Variants in KIF11 observed in about 807,000 individuals in gnomAD.
KIF11 encodes the protein kinesin-like protein KIF11.
In KIF11, 9 loss-of-function variants were observed where a neutral mutation model predicts 121.0. The observed-to-expected ratio is 0.07, with a 90% CI of 0.04 to 0.13. The LOEUF (loss-of-function observed/expected upper bound fraction) is 0.13, where lower values mean the gene tolerates loss of function less well. KIF11 is among the 10% of genes least tolerant of loss of function. The pLI is 1.00. For synonymous variants in KIF11, 408 were observed against 421.0 expected, an observed-to-expected ratio of 0.97 and a Z score of 0.38; for missense variants, 846 against 1,217.5, an observed-to-expected ratio of 0.69 and a Z score of 4.54.
intron 17 of KIF11, 36 bp downstream of exon 17, chr10:92,639,936 A>G (rs1386374199): frequency 1.8e-6 from 2 of 1,099,642 alleles, no homozygotes; most frequent in Admixed American, 4.0e-5. Flanking sequence ...ACTTTTCTGT[A>G]AGTCTGAAAT....
At chr10:92,638,827 T>C (rs1811637488) in intron 16 of KIF11, among the ~76,000 whole-genome samples, 1 of 152,248 alleles carries the variant, frequency 6.6e-6, no homozygotes, top group African/African-American at 2.4e-5. Flanking sequence ...ATAATCAGAA[T>C]GTTAGATATG....
intron 8 of KIF11, among the ~76,000 whole-genome samples, chr10:92,616,207 G>GT (rs1261843297): frequency 1.3e-5 from 2 of 149,532 alleles, no homozygotes; most frequent in African/African-American, 2.5e-5. Flanking sequence ...GTTTTGTTTT[G>GT]TTTTTTTGTT....
At chr10:92,625,545 C>T (rs533400009) in intron 10 of KIF11, among the ~76,000 whole-genome samples, 68 of 152,044 alleles carry the variant, frequency 4.5e-4, no homozygotes, top group Admixed American at 2.4e-3. Flanking sequence ...GATGGGATTT[C>T]ACCATGTTGG....
chr10:92,643,258 C>G (rs558964542), intron 17 of KIF11, among the ~76,000 whole-genome samples: 34 of 152,188 alleles, frequency 2.2e-4, no homozygotes, highest in Non-Finnish European at 4.6e-4. Flanking sequence ...TTATCTCTTC[C>G]ATTGACTTAT....
intron 6 of KIF11, among the ~76,000 whole-genome samples, chr10:92,612,042 A>G (rs2050642153): frequency 6.6e-6 from 1 of 152,224 alleles, no homozygotes; most frequent in Admixed American, 6.5e-5. Flanking sequence ...TACAGAAAGA[A>G]TGTCTTTGGT....
chr10:92,616,755 G>C lies in KIF11; in HGVS notation c.1051G>C (p.Glu351Gln), dbSNP rs773961858. ...LNLEETLSTL[E>Q]YAHRAKNILN... ...ATGACAGGAAACTCTGAGTACATTG[G>C]AATATGCTCATAGAGCAAAGAACAT... The change falls in exon 9 of 22, where the codon GAA (glutamate) becomes CAA (glutamine). Residue 351 changes from glutamate to glutamine, a missense_variant. Around this residue, in one of 5 missense-constraint regions of KIF11, gnomAD observed 116 missense variants for 285.3 expected, o/e 0.41. Coordinates refer to ENST00000260731, the MANE Select transcript of KIF11 (RefSeq NM_004523.4). The C allele has an allele frequency of 6.3e-7, 1 of 1,596,164 alleles. No homozygotes were observed. Among genetic ancestry groups the C allele is most frequent in the South Asian group, 1.1e-5 (1 of 89,394 alleles).
intron 5 of KIF11, 81 bp from the exon 6 acceptor site, chr10:92,609,304 G>GTGAC: frequency 2.3e-6 from 1 of 430,396 alleles, no homozygotes; most frequent in Non-Finnish European, 2.9e-6. Flanking sequence ...GAGAGAGAGA[G>GTGAC]TGTGTGTGTG....
At chr10:92,634,320 T>G (rs1485799050) in intron 14 of KIF11, among the ~76,000 whole-genome samples, 1 of 149,718 alleles carries the variant, frequency 6.7e-6, no homozygotes, top group Non-Finnish European at 1.5e-5. Context: ...ATTTATTTTT[T>G]TCAGCCTCTC....
intron 1 of KIF11, among the ~76,000 whole-genome samples, chr10:92,593,779 A>G (rs1350436467): frequency 6.6e-6 from 1 of 152,202 alleles, no homozygotes; most frequent in African/African-American, 2.4e-5. Context: ...TATTTTGCAG[A>G]TGGTTAAGCA....
At position 92,621,406 on chromosome 10, in the gene KIF11, C is replaced by T. The variant is rs776943293; in HGVS notation, c.1150C>T (p.Arg384Cys). ...GTAGGAGTATACGGAGGAGATAGAACGTTTAAAACGAGATCTTGCTGCAGC... is the reference window on the plus strand; with the variant it reads ...GTAGGAGTATACGGAGGAGATAGAATGTTTAAAACGAGATCTTGCTGCAGC... ...LIKEYTEEIE[R>C]LKRDLAAARE... The change falls in exon 10 of 22, where the codon CGT becomes TGT. Residue 384 changes from arginine (R) to cysteine (C), a missense_variant. Arg to Cys is a radical substitution (Grantham distance 180, BLOSUM62 -3). Around this residue, in one of 5 missense-constraint regions of KIF11, gnomAD observed 116 missense variants for 285.3 expected, o/e 0.41. Coordinates refer to ENST00000260731, the MANE Select transcript of KIF11 (RefSeq NM_004523.4). 5.6e-6 allele frequency: 9 copies of T among 1,611,838 alleles called. No individual in the cohort carries two copies. The highest frequency in any genetic ancestry group is 4.4e-5 in the South Asian group (4 of 90,998).
chr10:92,655,315 G>T lies in KIF11; in HGVS notation c.*1519G>T, dbSNP rs1204780583. 3.3e-5 allele frequency: 5 copies of T among 152,164 alleles called. No individual in the cohort carries two copies. Among genetic ancestry groups the T allele is most frequent in the African/African-American group, 9.7e-5 (4 of 41,440 alleles). 9.4% of individuals were successfully genotyped at this position (152,164 alleles called of 1,614,324 possible). A position where few individuals can be genotyped will look rare whatever the true frequency, so the allele number is the denominator to read the frequency against. ...TGGCTATAATTTCTCTGCAAAATCA[G>T]ATGTCAGCATAAGCGATGGATAATA... On this transcript the variant is annotated 3_prime_UTR_variant, in exon 22 of 22. Transcript: ENST00000260731.
intron 1 of KIF11, among the ~76,000 whole-genome samples, chr10:92,597,630 T>C (rs191327907): frequency 1.7e-4 from 26 of 148,588 alleles, no homozygotes; most frequent in African/African-American, 3.4e-4. Flanking sequence ...TCTTTTTTTT[T>C]CCCTTGGGTT....
chr10:92,611,516 A>G (rs1246683891), intron 6 of KIF11, among the ~76,000 whole-genome samples: 1 of 152,060 alleles, frequency 6.6e-6, no homozygotes, highest in African/African-American at 2.4e-5. Flanking sequence ...GGAGATGAAT[A>G]TTATAATTCA....
Position 92,637,407 on chromosome 10 carries a change from A to G in KIF11, c.2022A>G (p.Glu674=), listed in dbSNP as rs1471331012. 1.6e-5 allele frequency: 26 copies of G among 1,580,126 alleles called. No homozygotes were observed. Among genetic ancestry groups the G allele is most frequent in the Middle Eastern group, 1.7e-4 (1 of 5,996 alleles). Residue 674 remains glutamate (E), a synonymous_variant, in exon 16 of 22, where the codon GAA becomes GAG. Transcript: ENST00000260731. ...CAAAGATAGAAGATCAAAAAAAGGA[A>G]CTAGATGGCTTTCTCAGTATACTGT... is the stretch of plus-strand genomic sequence containing the variant. ...VADKIEDQKK[E]LDGFLSILCN...
intron 16 of KIF11, among the ~76,000 whole-genome samples, chr10:92,638,785 G>A (rs994220479): frequency 1.8e-4 from 27 of 152,278 alleles, no homozygotes; most frequent in Middle Eastern, 3.4e-3. Flanking sequence ...TAATACCTTT[G>A]AGACTAGTAA....
intron 8 of KIF11, among the ~76,000 whole-genome samples, chr10:92,615,229 C>T (rs1051168823): frequency 6.6e-6 from 1 of 151,934 alleles, no homozygotes; most frequent in Non-Finnish European, 1.5e-5. Flanking sequence ...CATGGTGAAA[C>T]CCCATCTCTA....
chr10:92,597,356 C>T, intron 1 of KIF11: 1 of 168,028 alleles, frequency 6.0e-6, no homozygotes, highest in South Asian at 1.6e-4. Flanking sequence ...CTCTGCCTGT[C>T]AGGTTCAAGC....
chr10:92,618,160 TA>T (rs1844578961), intron 9 of KIF11, among the ~76,000 whole-genome samples: 1 of 152,234 alleles, frequency 6.6e-6, no homozygotes, highest in African/African-American at 2.4e-5. Flanking sequence ...TGCCCAATTT[TA>T]ATTGGTTTGT....
At position 92,637,282 on chromosome 10, in the gene KIF11, C is replaced by A. The variant is rs747584150; in HGVS notation, c.1974C>A (p.Phe658Leu). Residue 658 changes from phenylalanine (F) to leucine (L), a missense_variant, in exon 15 of 22, where the codon TTC (phenylalanine) becomes TTA (leucine). Physicochemically the swap from Phe to Leu is conservative, Grantham distance 22. Coordinates refer to ENST00000260731, the MANE Select transcript of KIF11 (RefSeq NM_004523.4). ...LKINSQLKHI[F>L]KTSLTVADKI... ...TCAATAGTCAACTAAAGCATATTTT[C>A]AAGACTTCATTGACAGTGGCCGATA... The A allele has an allele frequency of 9.4e-6, 15 of 1,590,672 alleles. No homozygotes were observed. The highest frequency in any genetic ancestry group is 1.3e-5 in the Non-Finnish European group (15 of 1,174,838).
Sources: gnomAD v4.1 joint callset for allele counts (sites outside exome capture counted in the v4.1 genomes callset) on GRCh38, gnomAD v4.1.1 for gene constraint, gnomAD v4.1.1 regional missense constraint, MANE v1.5 for transcripts, NCBI Gene and HGNC (gene_info 2026-07-23, HGNC 2026-07-21) for gene names.